PRKN: variants seen among roughly 807,000 people sequenced by gnomAD.
The protein encoded by PRKN is parkin RBR E3 ubiquitin protein ligase.
In PRKN, 56 loss-of-function variants were observed where a neutral mutation model predicts 59.5. The observed-to-expected ratio is 0.94, with a 90% confidence interval of 0.76 to 1.18. PRKN has a LOEUF of 1.18. Among genes scored for constraint, PRKN ranks in the 50% most tolerant of loss-of-function variants. The pLI is 0.00. For synonymous variants in PRKN, 250 were observed against 222.1 expected (o/e 1.13, Z -1.12); for missense variants, 657 against 596.4 (o/e 1.10, Z -1.06).
At position 161,361,674 on chromosome 6, in the gene PRKN, T is replaced by C. The variant is rs541735398; in HGVS notation, c.1168-1469A>G. Among the ~76,000 whole-genome samples the C allele has an allele frequency of 3.9e-5, 6 of 152,356 alleles. No individual in the cohort carries two copies. Among genetic ancestry groups the C allele is most frequent in the African/African-American group, 1.4e-4 (6 of 41,584 alleles). ...CACTGGGTGAAGCCAATTTCGTTTC[T>C]GTTAATGAGCCATCATGGGCACAAA... On this transcript the variant is annotated intron_variant, in intron 10 of 11. Transcript: ENST00000366898. The surrounding 1 kb of genome is among the most constrained non-coding windows in gnomAD (Gnocchi z 5.2).
chr6:161,739,544 C>A (rs1226673898), intron 7 of PRKN, among the ~76,000 whole-genome samples: 1 of 152,108 alleles, frequency 6.6e-6, no homozygotes, highest in East Asian at 1.9e-4. Flanking sequence ...CGTGTATAAT[C>A]GGATTAGTCG....
intron 3 of PRKN, among the ~76,000 whole-genome samples, chr6:162,221,582 T>C (rs1777937538): frequency 6.6e-6 from 1 of 152,190 alleles, no homozygotes. Context: ...TAGGCTCAAC[T>C]GCTCCAAAAT....
intron 2 of PRKN, among the ~76,000 whole-genome samples, chr6:162,282,896 A>C (rs919939176): frequency 6.6e-6 from 1 of 152,174 alleles, no homozygotes; most frequent in African/African-American, 2.4e-5. Flanking sequence ...CTAAGCACAC[A>C]TTACTTTGAT....
At chr6:161,717,234 C>T (rs980316588) in intron 7 of PRKN, among the ~76,000 whole-genome samples, 9 of 152,168 alleles carry the variant, frequency 5.9e-5, no homozygotes, top group African/African-American at 1.7e-4. Flanking sequence ...CCATCCAGTG[C>T]GGGCCTTCTT....
intron 6 of PRKN, among the ~76,000 whole-genome samples, chr6:161,969,037 T>C (rs1368609890): frequency 6.6e-6 from 1 of 152,124 alleles, no homozygotes. Flanking sequence ...CTTTATCAAA[T>C]AGGCAAAGAC....
chr6:162,568,695 C>CAGA, intron 1 of PRKN: 1 of 837,714 alleles, frequency 1.2e-6, no homozygotes. Context: ...CCTGCAGCAG[C>CAGA]AGAAGATGGC....
At chr6:162,216,257 G>A (rs902516288) in intron 3 of PRKN, among the ~76,000 whole-genome samples, 3 of 151,810 alleles carry the variant, frequency 2.0e-5, no homozygotes, top group Non-Finnish European at 2.9e-5. Flanking sequence ...GCGGCCGGGC[G>A]CGGTGGCTCA....
chr6:162,305,643 T>C (rs1235269626), intron 2 of PRKN, among the ~76,000 whole-genome samples: 1 of 152,190 alleles, frequency 6.6e-6, no homozygotes, highest in Non-Finnish European at 1.5e-5. Flanking sequence ...TTTTGGTTTT[T>C]AGTTTCCTAA....
At chr6:161,912,942 C>T (rs573258221) in intron 6 of PRKN, among the ~76,000 whole-genome samples, 19 of 152,082 alleles carry the variant, frequency 1.2e-4, no homozygotes, top group African/African-American at 3.9e-4. Flanking sequence ...TTTGGGTGGA[C>T]GAGGCGGGTG....
chr6:162,713,702 T>C (rs1470028399), intron 1 of PRKN, among the ~76,000 whole-genome samples: 5 of 152,120 alleles, frequency 3.3e-5, no homozygotes, highest in Admixed American at 3.3e-4. Context: ...TGTATGATTA[T>C]TGGCAAAATA....
At chr6:162,401,841 G>T (rs1787808123) in intron 2 of PRKN, among the ~76,000 whole-genome samples, 1 of 152,126 alleles carries the variant, frequency 6.6e-6, no homozygotes, top group African/African-American at 2.4e-5. Context: ...TATCAAAATT[G>T]AGTCAAGACA....
At chr6:162,687,228 C>T (rs1191877022) in intron 1 of PRKN, among the ~76,000 whole-genome samples, 1 of 150,248 alleles carries the variant, frequency 6.7e-6, no homozygotes, top group Non-Finnish European at 1.5e-5. Context: ...CTCTGTCGTC[C>T]AGGCTAGAGT....
intron 2 of PRKN, among the ~76,000 whole-genome samples, chr6:162,298,389 C>T (rs7744424): frequency 0.57 from 87,147 of 151,868 alleles, 28,186 homozygotes; most frequent in East Asian, 0.9. Flanking sequence ...AGCTTCGCAC[C>T]ATGAATAGTT....
intron 6 of PRKN, among the ~76,000 whole-genome samples, chr6:161,970,673 G>C (rs1306100995): frequency 6.6e-6 from 1 of 151,754 alleles, no homozygotes; most frequent in Admixed American, 6.6e-5. Context: ...GAGTAGCTGG[G>C]ACTACAGGCA....
At chr6:162,239,738 T>C (rs1428210190) in intron 3 of PRKN, among the ~76,000 whole-genome samples, 1 of 151,888 alleles carries the variant, frequency 6.6e-6, no homozygotes, top group Non-Finnish European at 1.5e-5. Flanking sequence ...TTAGGGAGAA[T>C]GGCATGAGTA....
chr6:161,403,438 C>A (rs1382232751), intron 9 of PRKN, among the ~76,000 whole-genome samples: 1 of 152,134 alleles, frequency 6.6e-6, no homozygotes, highest in African/African-American at 2.4e-5. Flanking sequence ...ATAAAGGGCC[C>A]TTTACTGTTG....
intron 2 of PRKN, among the ~76,000 whole-genome samples, chr6:162,379,896 C>G (rs948071748): frequency 6.6e-6 from 1 of 152,036 alleles, no homozygotes. Flanking sequence ...GATGAACATG[C>G]CGGCAGAGAG....
At chr6:161,704,965 T>A (rs1337179322) in intron 7 of PRKN, among the ~76,000 whole-genome samples, 1 of 152,192 alleles carries the variant, frequency 6.6e-6, no homozygotes, top group Non-Finnish European at 1.5e-5. Flanking sequence ...CCAAATATCC[T>A]GATTTAATTG....
At chr6:162,562,353 A>ATTG (rs2128206460) in intron 1 of PRKN, among the ~76,000 whole-genome samples, 1 of 152,198 alleles carries the variant, frequency 6.6e-6, no homozygotes, top group Admixed American at 6.5e-5. Flanking sequence ...GGCTTCAGGT[A>ATTG]CCAGCACAGC....
Sources: allele counts gnomAD v4.1 joint callset (sites outside exome capture counted in the v4.1 genomes callset), GRCh38; gene constraint gnomAD v4.1.1; non-coding constraint Gnocchi (gnomAD v3.1); transcripts MANE v1.5; gene names NCBI Gene and HGNC (gene_info 2026-07-23, HGNC 2026-07-21).